Variants in VSNL1 observed in about 807,000 individuals in gnomAD.
VSNL1 encodes the protein visinin like 1.
Under a neutral mutation model 20.4 loss-of-function variants are expected in VSNL1, and 6 were observed. The observed-to-expected ratio is 0.29, with a 90% confidence interval of 0.16 to 0.58. VSNL1 has a LOEUF of 0.58. VSNL1 is among the 20% of genes least tolerant of loss of function. The pLI, the probability that VSNL1 is intolerant of heterozygous loss-of-function variation, is 0.90. For synonymous variants in VSNL1, 93 were observed against 86.4 expected (o/e 1.08, Z -0.42); for missense variants, 100 against 234.5 (o/e 0.43, Z 3.75).
chr2:17,557,750 CAG>C (rs145408890), intron 1 of VSNL1, among the ~76,000 whole-genome samples: 270 of 152,302 alleles, frequency 1.8e-3, no homozygotes, highest in Non-Finnish European at 3.2e-3. Context: ...GCTCCAGTAA[CAG>C]AGGACAATAG....
At chr2:17,641,534 C>CTAGAA (rs1181523200) in intron 2 of VSNL1, among the ~76,000 whole-genome samples, 1 of 152,148 alleles carries the variant, frequency 6.6e-6, no homozygotes, top group Non-Finnish European at 1.5e-5. Flanking sequence ...AAGAGAAGTA[C>CTAGAA]TAGAATAATC....
intron 1 of VSNL1, among the ~76,000 whole-genome samples, chr2:17,577,908 A>G (rs1465203280): frequency 6.6e-6 from 1 of 151,094 alleles, no homozygotes; most frequent in East Asian, 1.9e-4. Context: ...TCAAATCCCA[A>G]CTCTACCATT....
At chr2:17,577,509 T>C (rs1234478259) in intron 1 of VSNL1, among the ~76,000 whole-genome samples, 1 of 152,238 alleles carries the variant, frequency 6.6e-6, no homozygotes, top group Non-Finnish European at 1.5e-5. Context: ...CTCCATTCTG[T>C]TATGCTGATC....
intron 2 of VSNL1, among the ~76,000 whole-genome samples, chr2:17,644,862 G>A (rs1665959992): frequency 6.6e-6 from 1 of 152,218 alleles, no homozygotes; most frequent in Admixed American, 6.5e-5. Flanking sequence ...CAGGGTAAGG[G>A]GAGATAACCT....
intron 1 of VSNL1, among the ~76,000 whole-genome samples, chr2:17,580,130 A>C (rs1333623402): frequency 6.6e-6 from 1 of 152,316 alleles, no homozygotes; most frequent in Admixed American, 6.5e-5. Flanking sequence ...GTAAATGCTA[A>C]AGCACTATCC....
At chr2:17,586,229 G>T (rs556804052) in intron 1 of VSNL1, among the ~76,000 whole-genome samples, 6 of 152,218 alleles carry the variant, frequency 3.9e-5, no homozygotes, top group Non-Finnish European at 8.8e-5. Context: ...GGTTTGGGGT[G>T]TGCTTCTTAG....
At chr2:17,582,597 C>A (rs1297736843) in intron 1 of VSNL1, among the ~76,000 whole-genome samples, 1 of 152,048 alleles carries the variant, frequency 6.6e-6, no homozygotes, top group African/African-American at 2.4e-5. Context: ...CATACAGAAA[C>A]ACGAAATAGA....
chr2:17,623,050 G>T (rs555526487), intron 2 of VSNL1, among the ~76,000 whole-genome samples: 1 of 152,272 alleles, frequency 6.6e-6, no homozygotes, highest in Admixed American at 6.5e-5. Flanking sequence ...GTAATCCATA[G>T]CTAGTGCATA....
intron 1 of VSNL1, among the ~76,000 whole-genome samples, chr2:17,578,440 T>A (rs2710689): frequency 0.94 from 143,111 of 152,316 alleles, 67,850 homozygotes; most frequent in East Asian, 1. Flanking sequence ...ATGGGGAGAC[T>A]CAATATGGTT....
chr2:17,545,845 G>C (rs1472447918), intron 1 of VSNL1, among the ~76,000 whole-genome samples: 1 of 152,044 alleles, frequency 6.6e-6, no homozygotes, highest in African/African-American at 2.4e-5. Context: ...ACCCCTATCA[G>C]CTAACTTAAA....
intron 3 of VSNL1, among the ~76,000 whole-genome samples, chr2:17,653,786 AATG>A (rs1159293275): frequency 2.6e-5 from 4 of 152,220 alleles, no homozygotes; most frequent in African/African-American, 7.2e-5. Context: ...GTACAAATTA[AATG>A]ATTTTTACTA....
At chr2:17,623,629 C>T (rs1400868740) in intron 2 of VSNL1, among the ~76,000 whole-genome samples, 1 of 141,158 alleles carries the variant, frequency 7.1e-6, no homozygotes, top group Non-Finnish European at 1.5e-5. Flanking sequence ...AAGATCATGC[C>T]ACTGCACTGC....
At chr2:17,643,367 T>G (rs1186461118) in intron 2 of VSNL1, among the ~76,000 whole-genome samples, 1 of 152,224 alleles carries the variant, frequency 6.6e-6, no homozygotes, top group Non-Finnish European at 1.5e-5. Flanking sequence ...AGTCATCTGC[T>G]TAAGTAGTAA....
intron 2 of VSNL1, among the ~76,000 whole-genome samples, chr2:17,626,014 T>C (rs1405521995): frequency 1.3e-5 from 2 of 152,016 alleles, no homozygotes; most frequent in African/African-American, 4.8e-5. Context: ...AGATGGGGTT[T>C]CGCCTTGTTG....
rs569051244 is a variant in VSNL1, at chr2:17,626,684, C to T, written c.163-22726C>T. On this transcript the variant is annotated intron_variant, in intron 2 of 3. Coordinates refer to ENST00000295156, the MANE Select transcript of VSNL1 (RefSeq NM_003385.5). Reference sequence around the variant, plus strand: ...GTACACCTTTATTAGACCCTATCAACTTATGGCTGACCCCAACTGCCAGCA... The same window carrying T: ...GTACACCTTTATTAGACCCTATCAATTTATGGCTGACCCCAACTGCCAGCA... 4.0e-5 allele frequency among the ~76,000 whole-genome samples: 6 copies of T among 151,848 alleles called. No homozygotes were observed. The East Asian group carries it at 1.2e-3, about 30-fold the overall frequency.
intron 1 of VSNL1, among the ~76,000 whole-genome samples, chr2:17,543,273 C>G (rs372896996): frequency 9.5e-4 from 145 of 152,374 alleles, no homozygotes; most frequent in African/African-American, 3.4e-3. Context: ...GCCGGGAGCA[C>G]TAGCGTATCA....
Position 17,656,453 on chromosome 2 carries a change from A to G in VSNL1, c.*1059A>G, listed in dbSNP as rs1378593408. 6.6e-6 allele frequency: 1 copy of G among 152,240 alleles called. No homozygotes were observed. Among genetic ancestry groups the G allele is most frequent in the Non-Finnish European group, 1.5e-5 (1 of 68,042 alleles). The allele number at this position is 152,240 out of a possible 1,614,324, so 9.4% of individuals were successfully genotyped here. On this transcript the variant is annotated 3_prime_UTR_variant, in exon 4 of 4. Coordinates refer to ENST00000295156, the MANE Select transcript of VSNL1 (RefSeq NM_003385.5). ...ATCTCAGTGTGACTTTGGTGCTAAC[A>G]ACGTATGTTCAGTGCAACTACGTGG... is the stretch of plus-strand genomic sequence containing the variant.
At chr2:17,550,392 G>A (rs191119609) in intron 1 of VSNL1, among the ~76,000 whole-genome samples, 87 of 152,220 alleles carry the variant, frequency 5.7e-4, no homozygotes, top group Admixed American at 1.8e-3. Flanking sequence ...CATCTGTATC[G>A]TTTAAATTTG....
rs566920451 is a variant in VSNL1 at position 17,609,506 on chromosome 2, T to C, written c.162+17270T>C. ...CTCAGTGGGTACATTTTTGGAGGGC[T>C]TCTTTCTGTCATCAGCCTCTCTTCT... On this transcript the variant is annotated intron_variant, in intron 2 of 3. Coordinates refer to ENST00000295156, the MANE Select transcript of VSNL1 (RefSeq NM_003385.5). 3.9e-5 allele frequency among the ~76,000 whole-genome samples: 6 copies of C among 152,344 alleles called. No individual in the cohort carries two copies. The South Asian group carries it at 1.2e-3, about 32-fold the overall frequency.
Sources: gnomAD v4.1 joint callset for allele counts (sites outside exome capture counted in the v4.1 genomes callset) on GRCh38, gnomAD v4.1.1 for gene constraint, MANE v1.5 for transcripts, NCBI Gene and HGNC (gene_info 2026-07-23, HGNC 2026-07-21) for gene names.